The following SHC3 variants were observed in gnomAD, a reference collection of about 807,000 sequenced individuals.
SHC3 encodes the protein SHC adaptor protein 3.
In SHC3, 15 loss-of-function variants were observed where a neutral mutation model predicts 60.4. The observed-to-expected ratio is 0.25, with a 90% confidence interval of 0.17 to 0.38. The LOEUF is 0.38. SHC3 is among the 10% of genes least tolerant of loss of function. The pLI is 1.00. For synonymous variants in SHC3, 294 were observed against 325.9 expected, an observed-to-expected ratio of 0.90 and a Z score of 1.05; for missense variants, 677 against 786.1, an observed-to-expected ratio of 0.86 and a Z score of 1.66.
At chr9:89,059,454 AC>A (rs1825028614) in intron 6 of SHC3, among the ~76,000 whole-genome samples, 1 of 127,554 alleles carries the variant, frequency 7.8e-6, no homozygotes, top group African/African-American at 3.0e-5. Flanking sequence ...TGGTGTTAGG[AC>A]GTGGGGGAGG....
intron 1 of SHC3, among the ~76,000 whole-genome samples, chr9:89,177,212 A>G (rs1826953401): frequency 6.6e-6 from 1 of 152,218 alleles, no homozygotes; most frequent in Non-Finnish European, 1.5e-5. Flanking sequence ...ACATGCTTGC[A>G]TAAGGGTGGA....
chr9:89,025,297 C>T (rs888393781), intron 11 of SHC3, among the ~76,000 whole-genome samples: 3 of 152,118 alleles, frequency 2.0e-5, no homozygotes, highest in South Asian at 2.1e-4. Flanking sequence ...AGAGACCCCA[C>T]CCCACCTCCA....
At chr9:89,102,869 G>T (rs1825802846) in intron 2 of SHC3, among the ~76,000 whole-genome samples, 1 of 152,190 alleles carries the variant, frequency 6.6e-6, no homozygotes, top group Non-Finnish European at 1.5e-5. Flanking sequence ...GTCTTTAAAA[G>T]TTCAATATGA....
intron 2 of SHC3, among the ~76,000 whole-genome samples, chr9:89,084,014 C>A (rs1217668614): frequency 2.0e-5 from 3 of 152,196 alleles, no homozygotes; most frequent in African/African-American, 7.2e-5. Flanking sequence ...CAGCCATAAC[C>A]AAACCATTCG....
chr9:89,137,404 C>T (rs760125468), intron 1 of SHC3, among the ~76,000 whole-genome samples: 61 of 152,226 alleles, frequency 4.0e-4, no homozygotes, highest in Admixed American at 1.0e-3. Context: ...CTCCAGTTAA[C>T]TGCAATAAGC....
chr9:89,035,103 T>C (rs1041622753), intron 11 of SHC3, among the ~76,000 whole-genome samples: 3 of 152,202 alleles, frequency 2.0e-5, no homozygotes, highest in Admixed American at 6.5e-5. Flanking sequence ...CAATAAATAG[T>C]GCGGGTTCCC....
intron 6 of SHC3, among the ~76,000 whole-genome samples, chr9:89,060,917 T>G (rs970877786): frequency 2.0e-5 from 3 of 152,024 alleles, no homozygotes; most frequent in Non-Finnish European, 2.9e-5. Context: ...GGGGTTGCGG[T>G]TGATAGAAAC....
At chr9:89,175,541 G>A (rs1449129482) in intron 1 of SHC3, among the ~76,000 whole-genome samples, 1 of 152,152 alleles carries the variant, frequency 6.6e-6, no homozygotes, top group Non-Finnish European at 1.5e-5. Flanking sequence ...ATTCATATGT[G>A]CAATATCCTA....
intron 1 of SHC3, among the ~76,000 whole-genome samples, chr9:89,165,206 T>C (rs1225361565): frequency 1.3e-5 from 2 of 152,046 alleles, no homozygotes; most frequent in Non-Finnish European, 2.9e-5. Flanking sequence ...GAATGTTTTG[T>C]GTTGTGTAAA....
chr9:89,087,601 G>C (rs1040015295), intron 2 of SHC3, among the ~76,000 whole-genome samples: 2 of 152,162 alleles, frequency 1.3e-5, no homozygotes, highest in African/African-American at 4.8e-5. Context: ...CTCCCTTGTT[G>C]ACATTTTGTT....
chr9:89,062,793 A>G (rs189805152), intron 6 of SHC3, among the ~76,000 whole-genome samples: 3 of 152,306 alleles, frequency 2.0e-5, no homozygotes, highest in Non-Finnish European at 4.4e-5. Context: ...TACTCTGCCC[A>G]GTGGTAGAGG....
chr9:89,101,529 C>T (rs1489745456), intron 2 of SHC3, among the ~76,000 whole-genome samples: 3 of 151,752 alleles, frequency 2.0e-5, no homozygotes, highest in Admixed American at 2.0e-4. Flanking sequence ...CCTTCTATTC[C>T]TAGTGTGTTG....
chr9:89,138,312 C>A (rs943700837), intron 1 of SHC3, among the ~76,000 whole-genome samples: 1 of 152,174 alleles, frequency 6.6e-6, no homozygotes, highest in African/African-American at 2.4e-5. Flanking sequence ...CAGACCAGGC[C>A]CAAGGGCTGC....
chr9:89,046,627 C>T (rs1824779358), intron 8 of SHC3, among the ~76,000 whole-genome samples: 2 of 152,110 alleles, frequency 1.3e-5, no homozygotes, highest in African/African-American at 2.4e-5. Flanking sequence ...CCAGGAATCA[C>T]CACACAGTTC....
At chr9:89,034,841 G>T (rs1824545827) in intron 11 of SHC3, among the ~76,000 whole-genome samples, 1 of 152,162 alleles carries the variant, frequency 6.6e-6, no homozygotes, top group Non-Finnish European at 1.5e-5. Flanking sequence ...CAGAAAAATT[G>T]TTGGGAAAAA....
chr9:89,122,981 G>A (rs535937972), intron 1 of SHC3, among the ~76,000 whole-genome samples: 16 of 152,338 alleles, frequency 1.1e-4, no homozygotes, highest in South Asian at 1.0e-3. Flanking sequence ...ATCTGACTCC[G>A]CATATTGGGA....
At chr9:89,093,568 G>C (rs1825657526) in intron 2 of SHC3, among the ~76,000 whole-genome samples, 2 of 151,500 alleles carry the variant, frequency 1.3e-5, no homozygotes, top group African/African-American at 4.8e-5. Context: ...AAAAAAAAAG[G>C]GTAAGTGATG....
intron 11 of SHC3, among the ~76,000 whole-genome samples, chr9:89,022,649 T>C (rs1587678480): frequency 6.6e-6 from 1 of 152,304 alleles, no homozygotes; most frequent in East Asian, 1.9e-4. Context: ...TGAACAAGCA[T>C]GTACAGCTAC....
At chr9:89,051,780 C>T (rs1263650539) in intron 7 of SHC3, among the ~76,000 whole-genome samples, 2 of 152,200 alleles carry the variant, frequency 1.3e-5, no homozygotes, top group Admixed American at 6.5e-5. Context: ...ATAATGAAGT[C>T]GCTTTTCTGT....
Sources: allele counts gnomAD v4.1 joint callset (sites outside exome capture counted in the v4.1 genomes callset), GRCh38; gene constraint gnomAD v4.1.1; transcripts MANE v1.5; gene names NCBI Gene and HGNC (gene_info 2026-07-23, HGNC 2026-07-21).